The following UMODL1 variants were observed in gnomAD, a reference collection of about 807,000 sequenced individuals.
UMODL1 encodes the protein uromodulin-like 1.
UMODL1 carries 128 observed loss-of-function variants against 136.3 expected under a neutral mutation model. The ratio of observed to expected loss-of-function variants is 0.94; its 90% CI spans 0.81 to 1.09. The LOEUF is 1.09. UMODL1 is among the 50% of genes least tolerant of loss of function. The pLI is 0.00. For missense variants in UMODL1, 1,766 were observed against 1,725.6 expected (o/e 1.02, Z -0.41); for synonymous variants, 721 against 720.0 (o/e 1.00, Z -0.02).
chr21:42,130,221 C>CGTGTGTGTGTGT (rs112746788), intron 21 of UMODL1, among the ~76,000 whole-genome samples: 9 of 150,568 alleles, frequency 6.0e-5, no homozygotes, highest in African/African-American at 2.2e-4. Flanking sequence ...GCCATGTCAA[C>CGTGTGTGTGTGT]GTGTGTGTGT....
At chr21:42,137,916 G>A (rs1008580673) in intron 22 of UMODL1, among the ~76,000 whole-genome samples, 2 of 151,844 alleles carry the variant, frequency 1.3e-5, no homozygotes, top group South Asian at 2.1e-4. Context: ...TCTGTGTTTT[G>A]TGGCCCTTTA....
At position 42,090,351 on chromosome 21, in the gene UMODL1, T is replaced by C. The variant is rs2066476948; in HGVS notation, c.844T>C (p.Cys282Arg). 6.2e-7 allele frequency: 1 copy of C among 1,614,168 alleles called. No homozygotes were observed. Among genetic ancestry groups the C allele is most frequent in the African/African-American group, 1.3e-5 (1 of 75,038 alleles). Residue 282 changes from cysteine to arginine, a missense_variant, in exon 6 of 23, where the codon TGC becomes CGC. Cys to Arg is a radical substitution (Grantham distance 180). Transcript: ENST00000408910. The stretch of plus-strand genomic sequence containing the variant: ...CAATGCCTGCTCTGGAAGGGAACTG[T>C]GCGCAAACCTGGAGGGCTCGTACTG... ...ELNACSGREL[C>R]ANLEGSYWCV...
Position 42,119,115 on chromosome 21 carries a change from G to C in UMODL1, c.2480G>C (p.Arg827Pro). 1 of 1,612,092 alleles carries C rather than the reference G, an allele frequency of 6.2e-7. No individual in the cohort carries two copies. Among genetic ancestry groups the C allele is most frequent in the Non-Finnish European group, 8.5e-7 (1 of 1,179,314 alleles). ...ACATGGCCTCTTTCCCCGCAGGTGC[G>C]GGGCTCCCTGCCAGCCACCATGTGT... ...DFLELFFRMV[R>P]GSLPATMCQH... The change falls in exon 15 of 23, where the codon CGG becomes CCG. Residue 827 changes from arginine to proline, a missense_variant. By Grantham distance (103) the Arg-to-Pro change is moderately radical. Transcript: ENST00000408910.
chr21:42,069,594 C>T (rs1282269459), upstream of UMODL1, among the ~76,000 whole-genome samples: 1 of 152,058 alleles, frequency 6.6e-6, no homozygotes, highest in Non-Finnish European at 1.5e-5. Context: ...CCTTTCTGAA[C>T]CTGTTTTCTC....
At chr21:42,083,984 G>A (rs769996565) in intron 2 of UMODL1, 100 bp from the exon 3 acceptor site, 47 of 1,438,684 alleles carry the variant, frequency 3.3e-5, no homozygotes, top group Non-Finnish European at 3.9e-5. Flanking sequence ...AGACCTACAG[G>A]CAGAATTCAG....
chr21:42,113,220 CACCCAGGGG>C, intron 12 of UMODL1: 1 of 187,106 alleles, frequency 5.3e-6, no homozygotes, highest in Non-Finnish European at 1.1e-5. Flanking sequence ...TGGGTAAATC[CACCCAGGGG>C]TCAAGAGTAG....
rs201352226 is a variant in UMODL1 at position 42,076,283 on chromosome 21, C to G, written c.319+36C>G. The G allele has an allele frequency of 1.5e-4, 240 of 1,608,782 alleles. 1 individual carries two copies. The African/African-American group carries it at 2.6e-3, about 17-fold the overall frequency. ...GGCTGCTGGGCTGGGGCGGGGCCAC[C>G]CTTGCCGTCGAGACGCCTGATGGGA... On this transcript the variant is annotated intron_variant, in intron 2 of 22. Coordinates refer to ENST00000408910, the MANE Select transcript of UMODL1 (RefSeq NM_001004416.3).
intron 14 of UMODL1, 68 bp from the exon 15 acceptor site, chr21:42,119,043 C>T: frequency 6.6e-7 from 1 of 1,523,270 alleles, no homozygotes; most frequent in Non-Finnish European, 8.9e-7. Context: ...GCAGGAGGAA[C>T]CGCCTTGAGA....
chr21:42,125,961 A>G (rs889748784), intron 17 of UMODL1, among the ~76,000 whole-genome samples: 13 of 152,150 alleles, frequency 8.5e-5, no homozygotes, highest in Non-Finnish European at 1.9e-4. Context: ...TTGATTATTA[A>G]ATGCAGCAGG....
At chr21:42,083,602 T>C (rs1325056295) in intron 2 of UMODL1, among the ~76,000 whole-genome samples, 1 of 152,254 alleles carries the variant, frequency 6.6e-6, no homozygotes, top group Non-Finnish European at 1.5e-5. Flanking sequence ...TCCCTGAGGC[T>C]CTCACCCCAT....
At chr21:42,097,399 G>T (rs2066571077) in intron 6 of UMODL1, among the ~76,000 whole-genome samples, 1 of 152,210 alleles carries the variant, frequency 6.6e-6, no homozygotes, top group Non-Finnish European at 1.5e-5. Flanking sequence ...TCAGTCTCAG[G>T]TTGGAAGGAG....
chr21:42,090,095 G>A (rs993678585), intron 5 of UMODL1, among the ~76,000 whole-genome samples: 2 of 152,220 alleles, frequency 1.3e-5, no homozygotes, highest in African/African-American at 4.8e-5. Flanking sequence ...GCTGCTGCTT[G>A]GATGACGATG....
chr21:42,126,993 C>T lies in UMODL1; in HGVS notation c.3294-13C>T. 6.2e-7 allele frequency: 1 copy of T among 1,606,278 alleles called. No homozygotes were observed. Among genetic ancestry groups the T allele is most frequent in the Non-Finnish European group, 8.5e-7 (1 of 1,172,804 alleles). ...CCTGAAACATGCCTCCTGCAAGCTGCTTCCTCTTGCAGGGTTTACACCATC... is the reference window on the plus strand; with the variant it reads ...CCTGAAACATGCCTCCTGCAAGCTGTTTCCTCTTGCAGGGTTTACACCATC... On this transcript the variant is annotated splice_polypyrimidine_tract_variant and intron_variant, in intron 18 of 22. Coordinates refer to ENST00000408910, the MANE Select transcript of UMODL1 (RefSeq NM_001004416.3).
Position 42,123,346 on chromosome 21 carries a change from C to G in UMODL1, c.3147+196C>G, listed in dbSNP as rs1388295829. 1.3e-5 allele frequency among the ~76,000 whole-genome samples: 2 copies of G among 152,148 alleles called. No individual in the cohort carries two copies. On this transcript the variant is annotated intron_variant, in intron 17 of 22. Coordinates refer to ENST00000408910, the MANE Select transcript of UMODL1 (RefSeq NM_001004416.3). This position sits in a 1 kb window ranked among gnomAD's most constrained non-coding sequence, Gnocchi z 4.4. Reference sequence around the variant, plus strand: ...AATCGGAAGGGAGCTGTGAGTCCACCCAGGAGGGACTCTGGTGCAGAGTGC... The same window carrying G: ...AATCGGAAGGGAGCTGTGAGTCCACGCAGGAGGGACTCTGGTGCAGAGTGC...
intron 1 of UMODL1, among the ~76,000 whole-genome samples, chr21:42,075,147 C>G (rs1204114182): frequency 1.3e-5 from 2 of 152,142 alleles, no homozygotes; most frequent in Non-Finnish European, 2.9e-5. Context: ...ATCCGCCCAC[C>G]TTGGCCTCCC....
At chr21:42,073,007 AGTGTGT>A (rs72241179) in intron 1 of UMODL1, among the ~76,000 whole-genome samples, 1 of 151,000 alleles carries the variant, frequency 6.6e-6, no homozygotes, top group African/African-American at 2.4e-5. Context: ...ACAGGAGATG[AGTGTGT>A]GTGTGTGTGC....
intron 6 of UMODL1, among the ~76,000 whole-genome samples, chr21:42,092,963 G>C (rs1385976619): frequency 2.6e-5 from 4 of 152,170 alleles, no homozygotes; most frequent in Admixed American, 2.6e-4. Flanking sequence ...GTGTCCCAAG[G>C]CTGTCTTCCC....
At chr21:42,142,064 A>C (rs1345155125) in intron 22 of UMODL1, 32 bp from the exon 23 acceptor site, 2 of 152,108 alleles carry the variant, frequency 1.3e-5, no homozygotes, top group East Asian at 3.8e-4. Context: ...CCTGCGTGCA[A>C]GCTGACCCAG....
rs374100042 is a variant in UMODL1 at position 42,109,584 on chromosome 21, C to T, written c.1542C>T (p.Ser514=). 149 of 1,611,472 alleles carry T rather than the reference C, an allele frequency of 9.2e-5. No individual in the cohort carries two copies. Among genetic ancestry groups the T allele is most frequent in the East Asian group, 1.3e-4 (6 of 44,878 alleles). Residue 514 remains serine (S), a synonymous_variant, in exon 10 of 23, where the codon AGC becomes AGT. Transcript: ENST00000408910. ...RVQDWDECVD[S]AEHDCSPAAW... ...CAGACTGGGACGAGTGTGTGGACAG[C>T]GCGGAACACGACTGCTCACCGGCTG...
Sources: gnomAD v4.1 joint callset for allele counts (sites outside exome capture counted in the v4.1 genomes callset) on GRCh38, gnomAD v4.1.1 for gene constraint, Gnocchi (gnomAD v3.1) non-coding constraint, MANE v1.5 for transcripts, NCBI Gene and HGNC (gene_info 2026-07-23, HGNC 2026-07-21) for gene names.